Variants in FOXP1 observed in about 807,000 individuals in gnomAD.
FOXP1 encodes the protein forkhead box P1, also known as forkhead box protein P1.
Under a neutral mutation model 98.2 loss-of-function variants are expected in FOXP1, and 15 were observed. The observed-to-expected ratio is 0.15, with a 90% CI of 0.10 to 0.24. FOXP1 has a LOEUF of 0.24. Among genes scored for constraint, FOXP1 ranks in the 10% least tolerant of loss-of-function variants. The pLI, the probability that FOXP1 is intolerant of heterozygous loss-of-function variation, is 1.00. For synonymous variants in FOXP1, 371 were observed against 314.5 expected (o/e 1.18, Z -1.90); for missense variants, 633 against 848.5 (o/e 0.75, Z 3.15).
chr3:71,500,229 T>G (rs944494431), intron 2 of FOXP1, among the ~76,000 whole-genome samples: 1 of 152,256 alleles, frequency 6.6e-6, no homozygotes, highest in Non-Finnish European at 1.5e-5. Flanking sequence ...ACTAGACTAA[T>G]TAGAACACAT....
intron 3 of FOXP1, among the ~76,000 whole-genome samples, chr3:71,486,034 C>G (rs2090620078): frequency 6.6e-6 from 1 of 151,924 alleles, no homozygotes; most frequent in Non-Finnish European, 1.5e-5. Flanking sequence ...ATCAAAAAGA[C>G]CTTAAAGAAC....
chr3:71,396,973 T>TATATATGTGTATATATATACAC (rs2081463189), intron 3 of FOXP1, among the ~76,000 whole-genome samples: 2 of 27,382 alleles, frequency 7.3e-5, no homozygotes, highest in Non-Finnish European at 2.0e-4. Flanking sequence ...TGTGTGTATA[T>TATATATGTGTATATATATACAC]ATATATATGT....
chr3:71,580,400 G>GC (rs1176030657), intron 2 of FOXP1, among the ~76,000 whole-genome samples: 39 of 99,682 alleles, frequency 3.9e-4, no homozygotes, highest in Non-Finnish European at 7.9e-4. Flanking sequence ...AAGACAGAGG[G>GC]GGGAAAAAAA....
rs548972764 is a variant in FOXP1, at chr3:71,056,406, T to C, written c.283-2633A>G. On this transcript the variant is annotated intron_variant, in intron 7 of 20. Coordinates refer to ENST00000649528, the MANE Select transcript of FOXP1 (RefSeq NM_001349338.3). ...CCTTTTCCCATAATCATTTATTCAT[T>C]TTTTTGCAGTTACGGAACAGGATAA... Among the ~76,000 whole-genome samples the C allele has an allele frequency of 3.3e-5, 5 of 152,316 alleles. No homozygotes were observed. The South Asian group carries it at 1.0e-3, about 32-fold the overall frequency.
intron 11 of FOXP1, among the ~76,000 whole-genome samples, chr3:71,030,918 GC>G (rs2046784377): frequency 6.6e-6 from 1 of 152,056 alleles, no homozygotes. Flanking sequence ...GAATATAGGG[GC>G]TCATATGTAC....
intron 1 of FOXP1, 145 bp downstream of exon 1, chr3:71,583,426 G>GT (rs61675522): frequency 0.16 from 103,353 of 660,088 alleles, 1,280 homozygotes; most frequent in Non-Finnish European, 0.18. Context: ...GAAAGTAGTT[G>GT]TTTTTTTTTT....
intron 3 of FOXP1, among the ~76,000 whole-genome samples, chr3:71,390,831 G>A (rs754550706): frequency 3.9e-5 from 6 of 152,182 alleles, no homozygotes; most frequent in Non-Finnish European, 8.8e-5. Context: ...GTGCAGTGCC[G>A]TGTAGTCAGG....
intron 2 of FOXP1, among the ~76,000 whole-genome samples, chr3:71,562,208 G>A (rs1250267689): frequency 1.3e-5 from 2 of 152,168 alleles, no homozygotes; most frequent in Non-Finnish European, 2.9e-5. Flanking sequence ...TAATCACTGT[G>A]GGCATAATAA....
chr3:71,315,379 T>C (rs2075015492), intron 4 of FOXP1, among the ~76,000 whole-genome samples: 1 of 152,102 alleles, frequency 6.6e-6, no homozygotes, highest in Non-Finnish European at 1.5e-5. Context: ...TAAGCAGAAA[T>C]TCCCTGACCA....
intron 4 of FOXP1, among the ~76,000 whole-genome samples, chr3:71,313,045 G>T (rs1320261843): frequency 1.4e-5 from 2 of 145,044 alleles, no homozygotes; most frequent in African/African-American, 5.0e-5. Context: ...CAATCACAAT[G>T]AAACTTTAAT....
intron 5 of FOXP1, among the ~76,000 whole-genome samples, chr3:71,283,436 G>A (rs2071777077): frequency 6.6e-6 from 1 of 152,180 alleles, no homozygotes; most frequent in African/African-American, 2.4e-5. Context: ...GAGGATGCTG[G>A]CTCATTGAGT....
At chr3:71,518,496 C>T (rs2042738484) in intron 2 of FOXP1, among the ~76,000 whole-genome samples, 1 of 152,080 alleles carries the variant, frequency 6.6e-6, no homozygotes, top group African/African-American at 2.4e-5. Context: ...CCCTTTTCTC[C>T]CTCTTTTGTG....
chr3:71,161,600 G>T (rs1049307788), intron 6 of FOXP1, among the ~76,000 whole-genome samples: 10 of 152,338 alleles, frequency 6.6e-5, no homozygotes, highest in Admixed American at 1.3e-4. Context: ...ACCTCTTGAA[G>T]AAAGGAATGG....
At chr3:70,966,432 T>G (rs1444527648) in intron 19 of FOXP1, 6 of 317,436 alleles carry the variant, frequency 1.9e-5, no homozygotes, top group Non-Finnish European at 3.1e-5. Flanking sequence ...TATTTCTTTA[T>G]CCATTTTGAT....
At chr3:71,309,271 T>C (rs570294294) in intron 4 of FOXP1, among the ~76,000 whole-genome samples, 2 of 152,162 alleles carry the variant, frequency 1.3e-5, no homozygotes, top group African/African-American at 4.8e-5. Flanking sequence ...ATATAAAATA[T>C]GGTCGAAATC....
chr3:71,475,808 C>T (rs1416321156), intron 3 of FOXP1, among the ~76,000 whole-genome samples: 1 of 151,312 alleles, frequency 6.6e-6, no homozygotes, highest in Non-Finnish European at 1.5e-5. Flanking sequence ...TGCCACTGCA[C>T]TCTAGCCTGG....
intron 3 of FOXP1, among the ~76,000 whole-genome samples, chr3:71,385,772 T>C (rs1315216413): frequency 6.6e-6 from 1 of 152,192 alleles, no homozygotes; most frequent in East Asian, 1.9e-4. Flanking sequence ...CTCCTAAGAC[T>C]GATTTATATC....
At chr3:71,198,583 C>G (rs1200647546) in intron 5 of FOXP1, among the ~76,000 whole-genome samples, 191 bp from the exon 6 acceptor site, 1 of 152,222 alleles carries the variant, frequency 6.6e-6, no homozygotes, top group African/African-American at 2.4e-5. Context: ...GGGTCTGAAA[C>G]TGTCATTCCC....
chr3:71,359,968 T>C (rs895436418), intron 3 of FOXP1, among the ~76,000 whole-genome samples: 8 of 152,080 alleles, frequency 5.3e-5, no homozygotes, highest in African/African-American at 1.4e-4. Context: ...AATTTTTGTA[T>C]TTTTAGTAGA....
Sources: allele counts gnomAD v4.1 joint callset (sites outside exome capture counted in the v4.1 genomes callset), GRCh38; gene constraint gnomAD v4.1.1; transcripts MANE v1.5; gene names NCBI Gene and HGNC (gene_info 2026-07-23, HGNC 2026-07-21).